TRANK1: variants seen among roughly 807,000 people sequenced by gnomAD.
TRANK1 encodes the protein TPR and ankyrin repeat-containing protein 1.
In TRANK1, 198 loss-of-function variants were observed where a neutral mutation model predicts 266.0. The ratio of observed to expected loss-of-function variants is 0.74; its 90% CI spans 0.66 to 0.84. The LOEUF (loss-of-function observed/expected upper bound fraction) is 0.84. Among genes scored for constraint, TRANK1 ranks in the 40% least tolerant of loss-of-function variants. TRANK1 has a pLI of 0.00. For missense variants in TRANK1, 3,326 were observed against 3,634.6 expected, an observed-to-expected ratio of 0.92 and a Z score of 2.18; for synonymous variants, 1,396 against 1,384.1, an observed-to-expected ratio of 1.01 and a Z score of -0.19.
intron 8 of TRANK1, 59 bp downstream of exon 8, chr3:36,889,770 T>C: frequency 6.8e-7 from 1 of 1,477,038 alleles, no homozygotes. Flanking sequence ...GTGGTGTGGG[T>C]CCTCAAAGCC....
rs1335352179 is a variant in TRANK1, at chr3:36,918,564, T to TAGGAAGGA, written c.24-10118_24-10111dup. Among the ~76,000 whole-genome samples, 59 of 15,634 alleles carry TAGGAAGGA rather than the reference T, an allele frequency of 3.8e-3. 1 individual carries two copies. Among genetic ancestry groups the TAGGAAGGA allele is most frequent in the South Asian group, 6.9e-3 (3 of 434 alleles). 10.3% of individuals were successfully genotyped at this position (15,634 alleles called of 152,430 possible). ...GAAGGAAGGAAGGAAGGAAGGAAGG[T>TAGGAAGGA]AGGAAGGAAGGAAGGAAGGAAGGAA... On this transcript the variant is annotated intron_variant, in intron 1 of 23. Coordinates refer to ENST00000645898, the MANE Select transcript of TRANK1 (RefSeq NM_001329998.2).
rs1207558500 is a variant in TRANK1 at position 36,855,559 on chromosome 3, C to T, written c.4163G>A (p.Arg1388Gln). Residue 1388 changes from arginine (R) to glutamine (Q), a missense_variant, in exon 13 of 24, where the codon CGG becomes CAG. Arg to Gln is a conservative substitution (Grantham distance 43). Transcript: ENST00000645898. The stretch of plus-strand genomic sequence containing the variant: ...ACTGAAGAGGCTGTAGATCTCACTC[C>T]GGTCTTCCTTGAAATTGGGGCACCG... ...RKRCPNFKED[R>Q]SEIYSLFSLY... 21 of 1,613,748 alleles carry T rather than the reference C, an allele frequency of 1.3e-5. No homozygotes were observed. The highest frequency in any genetic ancestry group is 3.3e-5 in the Admixed American group (2 of 60,004).
intron 10 of TRANK1, among the ~76,000 whole-genome samples, chr3:36,861,372 A>G (rs1027667456): frequency 3.3e-5 from 5 of 152,134 alleles, no homozygotes; most frequent in African/African-American, 1.2e-4. Context: ...AAGAGTACAG[A>G]CCCTGGCCCA....
intron 1 of TRANK1, among the ~76,000 whole-genome samples, chr3:36,942,139 A>C (rs1575344384): frequency 6.6e-6 from 1 of 152,232 alleles, no homozygotes; most frequent in East Asian, 1.9e-4. Flanking sequence ...TAATGAGGGC[A>C]TATACTATAG....
Position 36,874,237 on chromosome 3 carries a change from G to C in TRANK1, c.967C>G (p.Arg323Gly), listed in dbSNP as rs1391805210. ...ACATCCACAACAGACCGAGACTGTC[G>C]ATCCAGCAAAGTGGGATCTGCCCCA... is the stretch of plus-strand genomic sequence containing the variant. ...RFGADPTLLDRQSRSVVDVLK... is the reference protein window; with the variant it reads ...RFGADPTLLDGQSRSVVDVLK... Residue 323 changes from arginine to glycine, a missense_variant, in exon 9 of 24, where the codon CGA (arginine) becomes GGA (glycine). Transcript: ENST00000645898. 3 of 1,537,120 alleles carry C rather than the reference G, an allele frequency of 2.0e-6. No individual in the cohort carries two copies. The Admixed American group carries it at 5.9e-5, about 30-fold the overall frequency.
At chr3:36,898,649 A>C (rs1014228934) in intron 4 of TRANK1, among the ~76,000 whole-genome samples, 1 of 152,120 alleles carries the variant, frequency 6.6e-6, no homozygotes, top group Non-Finnish European at 1.5e-5. Context: ...CAAGAGATTA[A>C]GGCCATCCTG....
chr3:36,853,565 C>T (rs1235117073), intron 13 of TRANK1, among the ~76,000 whole-genome samples: 11 of 152,158 alleles, frequency 7.2e-5, no homozygotes. Flanking sequence ...TCTACATTAA[C>T]AGGAGAATCA....
At chr3:36,883,040 A>G (rs1031076401) in intron 8 of TRANK1, among the ~76,000 whole-genome samples, 4 of 152,270 alleles carry the variant, frequency 2.6e-5, no homozygotes, top group South Asian at 2.1e-4. Flanking sequence ...GGTAACGCAA[A>G]TTGGTACAAC....
intron 1 of TRANK1, among the ~76,000 whole-genome samples, chr3:36,930,432 T>C (rs2080346136): frequency 6.6e-6 from 1 of 152,212 alleles, no homozygotes; most frequent in Non-Finnish European, 1.5e-5. Context: ...GTTTTCGCCA[T>C]GTGAAACCAG....
intron 8 of TRANK1, among the ~76,000 whole-genome samples, chr3:36,885,789 C>G (rs1385686014): frequency 1.3e-5 from 2 of 151,912 alleles, no homozygotes; most frequent in Non-Finnish European, 2.9e-5. Flanking sequence ...ATCCTCCTAT[C>G]TTGGCCTCCC....
intron 8 of TRANK1, among the ~76,000 whole-genome samples, chr3:36,879,419 AAAC>A (rs2079440270): frequency 2.0e-5 from 3 of 151,218 alleles, no homozygotes; most frequent in Admixed American, 1.3e-4. Flanking sequence ...TGATGAAAAA[AAAC>A]AACAAACCCA....
At chr3:36,888,664 G>A (rs1028321935) in intron 8 of TRANK1, among the ~76,000 whole-genome samples, 8 of 152,162 alleles carry the variant, frequency 5.3e-5, no homozygotes, top group African/African-American at 1.7e-4. Flanking sequence ...CACCAGACCA[G>A]AAGTCCCCAA....
chr3:36,908,281 G>A, intron 2 of TRANK1, 42 bp downstream of exon 2: 1 of 1,231,960 alleles, frequency 8.1e-7, no homozygotes, highest in Non-Finnish European at 1.0e-6. Context: ...AGAGTCCCAT[G>A]TACTGAAAAA....
chr3:36,925,661 G>A (rs933175587), intron 1 of TRANK1, among the ~76,000 whole-genome samples: 16 of 148,952 alleles, frequency 1.1e-4, no homozygotes, highest in Non-Finnish European at 1.5e-4. Context: ...TGCAATCTCC[G>A]CTCACTGCAG....
At chr3:36,859,450 T>C (rs1206063335) in intron 11 of TRANK1, among the ~76,000 whole-genome samples, 1 of 152,092 alleles carries the variant, frequency 6.6e-6, no homozygotes, top group Non-Finnish European at 1.5e-5. Context: ...CCCTGGTGTG[T>C]GACGTGCCCT....
Position 36,850,821 on chromosome 3 carries a change from G to C in TRANK1, c.4887+898C>G, listed in dbSNP as rs372611737. ...CTCTATCTAAAGGGTCAGTTCTGGGGCAGATTTTTAAAGTGTTAAAGCCAA... is the reference window on the plus strand; with the variant it reads ...CTCTATCTAAAGGGTCAGTTCTGGGCCAGATTTTTAAAGTGTTAAAGCCAA... On this transcript the variant is annotated intron_variant, in intron 15 of 23. Transcript: ENST00000645898. 1.6e-5 allele frequency: 16 copies of C among 985,244 alleles called. No individual in the cohort carries two copies. In the African/African-American group the frequency reaches 2.3e-4, roughly 14 times the overall value. 61.0% of individuals were successfully genotyped at this position (985,244 alleles called of 1,614,324 possible).
Position 36,827,376 on chromosome 3 carries a change from G to A in TRANK1, c.*899C>T, listed in dbSNP as rs1225966466. On this transcript the variant is annotated 3_prime_UTR_variant, in exon 24 of 24. Coordinates refer to ENST00000645898, the MANE Select transcript of TRANK1 (RefSeq NM_001329998.2). ...CACAGTGATGAGCTCAGCAAGCAGAGACTCATCAGAACGTCAGCCTAAGCT... is the reference window on the plus strand; with the variant it reads ...CACAGTGATGAGCTCAGCAAGCAGAAACTCATCAGAACGTCAGCCTAAGCT... 1 of 152,354 alleles carries A rather than the reference G, an allele frequency of 6.6e-6. No individual in the cohort carries two copies. Among genetic ancestry groups the A allele is most frequent in the African/African-American group, 2.4e-5 (1 of 41,464 alleles). The allele number at this position is 152,354 out of a possible 1,614,324, so 9.4% of individuals were successfully genotyped here. A position where few individuals can be genotyped will look rare whatever the true frequency, so the allele number is the denominator to read the frequency against.
Position 36,831,909 on chromosome 3 carries a change from C to T in TRANK1, c.7674G>A (p.Glu2558=). 1 of 1,614,048 alleles carries T rather than the reference C, an allele frequency of 6.2e-7. No homozygotes were observed. Among genetic ancestry groups the T allele is most frequent in the Non-Finnish European group, 8.5e-7 (1 of 1,179,900 alleles). The change falls in exon 22 of 24, where the codon GAG becomes GAA. Residue 2558 remains glutamate (E), a synonymous_variant. Coordinates refer to ENST00000645898, the MANE Select transcript of TRANK1 (RefSeq NM_001329998.2). This position sits in a 1 kb window ranked among gnomAD's most constrained non-coding sequence, Gnocchi z 5.0. ...FSEIDYVVSG[E]AERTLVLCLV... ...AGCACAGCACCAGTGTCCGCTCAGC[C>T]TCACCCGAGACCACATAGTCTATTT...
intron 1 of TRANK1, among the ~76,000 whole-genome samples, chr3:36,921,585 A>C (rs910336759): frequency 2.6e-5 from 4 of 152,150 alleles, no homozygotes; most frequent in Non-Finnish European, 5.9e-5. Context: ...CATCACATTA[A>C]AGACAGGAAG....
Sources: gnomAD v4.1 joint callset for allele counts (sites outside exome capture counted in the v4.1 genomes callset) on GRCh38, gnomAD v4.1.1 for gene constraint, Gnocchi (gnomAD v3.1) non-coding constraint, MANE v1.5 for transcripts, NCBI Gene and HGNC (gene_info 2026-07-23, HGNC 2026-07-21) for gene names.